RSU1: variants seen among roughly 807,000 people sequenced by gnomAD.
RSU1 encodes the protein Ras suppressor protein 1.
RSU1 carries 26 observed loss-of-function variants against 31.1 expected under a neutral mutation model. That is an observed-to-expected ratio of 0.84 (90% CI 0.61 to 1.16). The LOEUF is 1.16. Ranked by LOEUF, RSU1 falls within the 50% of genes most tolerant of loss-of-function variation. RSU1 has a pLI of 0.00. For synonymous variants in RSU1, 164 were observed against 136.3 expected (o/e 1.20, Z -1.41); for missense variants, 320 against 339.1 (o/e 0.94, Z 0.44).
intron 7 of RSU1, among the ~76,000 whole-genome samples, chr10:16,713,559 C>T (rs1836066328): frequency 6.6e-6 from 1 of 152,132 alleles, no homozygotes; most frequent in African/African-American, 2.4e-5. Context: ...TGACACTTAT[C>T]TTTGTTGCAT....
intron 7 of RSU1, among the ~76,000 whole-genome samples, chr10:16,703,765 G>C (rs1283454281): frequency 6.6e-6 from 1 of 152,058 alleles, no homozygotes; most frequent in Non-Finnish European, 1.5e-5. Context: ...AAAAAGACTA[G>C]AAGAAATACA....
intron 7 of RSU1, among the ~76,000 whole-genome samples, chr10:16,724,372 A>G (rs1836340629): frequency 1.3e-5 from 2 of 152,250 alleles, no homozygotes; most frequent in Admixed American, 1.3e-4. Flanking sequence ...TTACTCCAAC[A>G]CCACAAACTA....
intron 8 of RSU1, among the ~76,000 whole-genome samples, chr10:16,674,558 C>T (rs79370786): frequency 1.1e-4 from 17 of 151,964 alleles, no homozygotes; most frequent in South Asian, 2.1e-4. Context: ...TACAAAACTA[C>T]GTCTCCCGCT....
At chr10:16,791,821 T>C (rs1169904393) in intron 2 of RSU1, among the ~76,000 whole-genome samples, 3 of 152,096 alleles carry the variant, frequency 2.0e-5, no homozygotes, top group Non-Finnish European at 4.4e-5. Context: ...CCCTGTAAGA[T>C]GACATTACAG....
intron 8 of RSU1, among the ~76,000 whole-genome samples, chr10:16,650,108 T>C (rs1355246959): frequency 1.3e-5 from 2 of 152,166 alleles, no homozygotes; most frequent in Non-Finnish European, 2.9e-5. Flanking sequence ...AGGCTCAATC[T>C]GTAAGAATGG....
At chr10:16,796,935 C>T (rs948276799) in intron 2 of RSU1, among the ~76,000 whole-genome samples, 3 of 152,164 alleles carry the variant, frequency 2.0e-5, no homozygotes, top group Admixed American at 6.5e-5. Flanking sequence ...ATGCATGTGA[C>T]GAAAGCAGAG....
chr10:16,801,185 G>C (rs553408678), intron 2 of RSU1, among the ~76,000 whole-genome samples: 2 of 151,282 alleles, frequency 1.3e-5, no homozygotes, highest in South Asian at 4.2e-4. Flanking sequence ...TAAAAGTAAC[G>C]GGATGGAGAA....
intron 3 of RSU1, among the ~76,000 whole-genome samples, chr10:16,771,967 T>C (rs1432350660): frequency 1.3e-5 from 2 of 152,244 alleles, no homozygotes; most frequent in Non-Finnish European, 2.9e-5. Flanking sequence ...ACAATGGTAA[T>C]GTACTTTTGG....
At chr10:16,680,027 G>A (rs1203033115) in intron 8 of RSU1, among the ~76,000 whole-genome samples, 6 of 151,770 alleles carry the variant, frequency 4.0e-5, no homozygotes, top group African/African-American at 1.2e-4. Flanking sequence ...GATTACAGAC[G>A]TGCACCACCA....
intron 8 of RSU1, among the ~76,000 whole-genome samples, chr10:16,691,140 C>T (rs1200151935): frequency 6.6e-6 from 1 of 152,128 alleles, no homozygotes; most frequent in East Asian, 1.9e-4. Context: ...AAGGCTGCCA[C>T]ATGTAAAACG....
chr10:16,631,461 G>A (rs1834247176), intron 8 of RSU1, among the ~76,000 whole-genome samples: 1 of 152,210 alleles, frequency 6.6e-6, no homozygotes, highest in Non-Finnish European at 1.5e-5. Context: ...GGGAAACACG[G>A]CGTGACTTTT....
At chr10:16,809,349 T>C (rs1838351203) in intron 2 of RSU1, among the ~76,000 whole-genome samples, 1 of 152,308 alleles carries the variant, frequency 6.6e-6, no homozygotes, top group South Asian at 2.1e-4. Flanking sequence ...TCTTTCACTG[T>C]GAGCTACACA....
At chr10:16,695,229 A>G in intron 7 of RSU1, 74 bp from the exon 8 acceptor site, 1 of 1,424,874 alleles carries the variant, frequency 7.0e-7, no homozygotes, top group Non-Finnish European at 9.5e-7. Flanking sequence ...CTTCTCAGTA[A>G]TCACAGCCTA....
At chr10:16,676,835 C>T (rs1349232278) in intron 8 of RSU1, among the ~76,000 whole-genome samples, 1 of 152,078 alleles carries the variant, frequency 6.6e-6, no homozygotes, top group Non-Finnish European at 1.5e-5. Context: ...ATCCCAAAAT[C>T]AGAGGGTGTA....
In RSU1 at chr10:16,625,024, C is replaced by T. The variant is rs544407163; in HGVS notation, c.732-31528G>A. On this transcript the variant is annotated intron_variant, in intron 8 of 8. Transcript: ENST00000345264. ...CTTCATTAGTATTTAAGTGATGTAG[C>T]CACAACTTCATTTTTATGCTCTTTT... 1.1e-3 allele frequency among the ~76,000 whole-genome samples: 161 copies of T among 152,226 alleles called. 1 individual carries two copies. The highest frequency in any genetic ancestry group is 4.4e-4 in the Non-Finnish European group (30 of 68,010).
chr10:16,754,940 G>T lies in RSU1; in HGVS notation c.331C>A (p.Leu111Ile). 6.2e-7 allele frequency: 1 copy of T among 1,613,740 alleles called. No individual in the cohort carries two copies. The highest frequency in any genetic ancestry group is 8.5e-7 in the Non-Finnish European group (1 of 1,179,858). ...LPRGFGSLPA[L>I]EVLDLTYNNL... ...TTGTACGTCAAGTCCAGAACCTCAAGAGCTGGCAGGGAGCCGAAGCCTCGT... is the reference window on the plus strand; with the variant it reads ...TTGTACGTCAAGTCCAGAACCTCAATAGCTGGCAGGGAGCCGAAGCCTCGT... The change falls in exon 5 of 9, where the codon CTT becomes ATT. Residue 111 changes from leucine (L) to isoleucine (I), a missense_variant. Leu to Ile is a conservative substitution (Grantham distance 5). Transcript: ENST00000345264.
chr10:16,816,512 CG>C (rs1272673305), intron 2 of RSU1, among the ~76,000 whole-genome samples: 1 of 152,096 alleles, frequency 6.6e-6, no homozygotes, highest in African/African-American at 2.4e-5. Flanking sequence ...GAACCAAGTT[CG>C]GAGAATAAAT....
chr10:16,701,534 C>G lies in RSU1; in HGVS notation c.599-6379G>C, dbSNP rs1056129927. 5.3e-5 allele frequency among the ~76,000 whole-genome samples: 8 copies of G among 152,264 alleles called. 2 individuals are homozygous for G. Among genetic ancestry groups the G allele is most frequent in the Admixed American group, 6.5e-5 (1 of 15,274 alleles). Reference sequence around the variant, plus strand: ...AAAGAGGCATTCTGTACATTTAATGCATGCATTGCATTGCTGCTTTAAGAT... The same window carrying G: ...AAAGAGGCATTCTGTACATTTAATGGATGCATTGCATTGCTGCTTTAAGAT... On this transcript the variant is annotated intron_variant, in intron 7 of 8. Transcript: ENST00000345264.
chr10:16,734,294 T>C (rs1273663187), intron 7 of RSU1, among the ~76,000 whole-genome samples: 1 of 152,262 alleles, frequency 6.6e-6, no homozygotes, highest in East Asian at 1.9e-4. Context: ...TGCTTTTCCC[T>C]TTCAATACCT....
Sources: allele counts gnomAD v4.1 joint callset (sites outside exome capture counted in the v4.1 genomes callset), GRCh38; gene constraint gnomAD v4.1.1; transcripts MANE v1.5; gene names NCBI Gene and HGNC (gene_info 2026-07-23, HGNC 2026-07-21).